The following TNKS variants were observed in gnomAD, a reference collection of about 807,000 sequenced individuals.
TNKS encodes tankyrase.
Under a neutral mutation model 135.8 loss-of-function variants are expected in TNKS, and 72 were observed. That is an observed-to-expected ratio of 0.53 (90% CI 0.44 to 0.64). The LOEUF is 0.64. Among genes scored for constraint, TNKS ranks in the 30% least tolerant of loss-of-function variants. TNKS has a pLI of 0.00. For synonymous variants in TNKS, 849 were observed against 649.3 expected, an observed-to-expected ratio of 1.31 and a Z score of -4.68; for missense variants, 1,769 against 1,674.0, an observed-to-expected ratio of 1.06 and a Z score of -0.99.
At chr8:9,615,355 AT>A (rs1799599394) in intron 2 of TNKS, 1 of 346,436 alleles carries the variant, frequency 2.9e-6, no homozygotes, top group Non-Finnish European at 5.2e-6. Context: ...TTTCATGTTT[AT>A]GATGTTAAGT....
At chr8:9,718,440 A>G (rs1804715617) in intron 11 of TNKS, among the ~76,000 whole-genome samples, 1 of 152,190 alleles carries the variant, frequency 6.6e-6, no homozygotes, top group South Asian at 2.1e-4. Flanking sequence ...GGCTGTTCAC[A>G]CTGAGTAGAA....
chr8:9,718,541 C>G (rs1804719673), intron 11 of TNKS, among the ~76,000 whole-genome samples: 1 of 152,130 alleles, frequency 6.6e-6, no homozygotes, highest in African/African-American at 2.4e-5. Context: ...ATTTCATGTC[C>G]TAAATATTTC....
intron 3 of TNKS, among the ~76,000 whole-genome samples, chr8:9,621,268 C>T (rs1035086450): frequency 6.6e-6 from 1 of 151,338 alleles, no homozygotes; most frequent in African/African-American, 2.4e-5. Context: ...GCAGCTGTCA[C>T]ATCAGACATC....
In TNKS at chr8:9,761,602, C is replaced by G. The variant is rs768586368; in HGVS notation, c.3240C>G (p.Ile1080Met). 6.3e-6 allele frequency: 10 copies of G among 1,596,680 alleles called. No individual in the cohort carries two copies. Among genetic ancestry groups the G allele is most frequent in the Middle Eastern group, 1.7e-4 (1 of 6,032 alleles). ...CATATGGGCACCGCCACAAATTAAT[C>G]AAAGGAGTAGAAAGACTCTTAGGTG... ...INAYGHRHKL[I>M]KGVERLLGGQ... Residue 1080 changes from isoleucine to methionine, a missense_variant, in exon 21 of 27, where the codon ATC (isoleucine) becomes ATG (methionine). Transcript: ENST00000310430.
intron 3 of TNKS, among the ~76,000 whole-genome samples, chr8:9,638,998 CAG>C (rs1428403719): frequency 6.6e-6 from 1 of 152,108 alleles, no homozygotes; most frequent in Non-Finnish European, 1.5e-5. Flanking sequence ...ATTGTATTAA[CAG>C]AGTTTTCCCT....
intron 1 of TNKS, among the ~76,000 whole-genome samples, chr8:9,575,851 A>G (rs1797926342): frequency 6.6e-6 from 1 of 152,238 alleles, no homozygotes; most frequent in Non-Finnish European, 1.5e-5. Flanking sequence ...GCCTAAGGAC[A>G]TTTATTTTCC....
chr8:9,770,044 C>CAGTT, intron 25 of TNKS, 62 bp from the exon 26 acceptor site: 1 of 1,437,242 alleles, frequency 7.0e-7, no homozygotes, highest in African/African-American at 1.4e-5. Context: ...ATAGATCTAG[C>CAGTT]AGTTATATTA....
chr8:9,645,125 A>G (rs1168309746), intron 3 of TNKS, among the ~76,000 whole-genome samples: 3 of 152,068 alleles, frequency 2.0e-5, no homozygotes, highest in Non-Finnish European at 4.4e-5. Flanking sequence ...TAAGTCACCT[A>G]CCCCATCTTA....
At chr8:9,755,253 C>A (rs1806774432) in intron 20 of TNKS, among the ~76,000 whole-genome samples, 1 of 152,172 alleles carries the variant, frequency 6.6e-6, no homozygotes, top group South Asian at 2.1e-4. Context: ...ATAGTTTAGT[C>A]TCCTAGTCAC....
At chr8:9,700,479 G>T (rs931110779) in intron 5 of TNKS, among the ~76,000 whole-genome samples, 13 of 152,160 alleles carry the variant, frequency 8.5e-5, no homozygotes, top group African/African-American at 3.1e-4. Flanking sequence ...AACCTCTTCT[G>T]AATTCTAGTG....
At chr8:9,707,305 C>A (rs62491550) in intron 8 of TNKS, among the ~76,000 whole-genome samples, 1 of 152,164 alleles carries the variant, frequency 6.6e-6, no homozygotes, top group Non-Finnish European at 1.5e-5. Context: ...GTGGCAGGCA[C>A]TAGAAATATA....
chr8:9,706,052 T>C (rs1022313780), intron 6 of TNKS, 135 bp from the exon 7 acceptor site: 20 of 486,108 alleles, frequency 4.1e-5, no homozygotes, highest in African/African-American at 3.7e-4. Flanking sequence ...TTTGAATTCT[T>C]TTATTATTTT....
intron 21 of TNKS, among the ~76,000 whole-genome samples, chr8:9,762,898 C>G (rs1177793783): frequency 7.5e-6 from 1 of 133,098 alleles, no homozygotes. Context: ...GAGCGAGGCT[C>G]CGTCTCAAAA....
intron 2 of TNKS, among the ~76,000 whole-genome samples, chr8:9,590,200 T>C (rs1354810364): frequency 2.0e-5 from 3 of 152,146 alleles, no homozygotes. Context: ...CTGGCTCCCG[T>C]CTACATCATG....
At chr8:9,664,091 A>C (rs1448214324) in intron 3 of TNKS, among the ~76,000 whole-genome samples, 1 of 152,130 alleles carries the variant, frequency 6.6e-6, no homozygotes, top group Non-Finnish European at 1.5e-5. Context: ...TAGTCCATTT[A>C]ATGTGTTGCT....
intron 2 of TNKS, among the ~76,000 whole-genome samples, chr8:9,602,702 A>T (rs148635388): frequency 6.6e-6 from 1 of 152,362 alleles, no homozygotes; most frequent in Non-Finnish European, 1.5e-5. Flanking sequence ...ATGTAATGCC[A>T]CACATATATG....
rs770897050 is a variant in TNKS, at chr8:9,777,050, A to G, written c.*314A>G. On this transcript the variant is annotated 3_prime_UTR_variant, in exon 27 of 27. Coordinates refer to ENST00000310430, the MANE Select transcript of TNKS (RefSeq NM_003747.3). ...TTGGAAATGGAAAATAAGAAAACCAATGCTTTTTCAAATGTTCACAATTCA... is the reference window on the plus strand; with the variant it reads ...TTGGAAATGGAAAATAAGAAAACCAGTGCTTTTTCAAATGTTCACAATTCA... The G allele has an allele frequency of 6.1e-5, 19 of 310,732 alleles. No homozygotes were observed. Among genetic ancestry groups the G allele is most frequent in the Admixed American group, 6.0e-4 (13 of 21,594 alleles). The allele number at this position is 310,732 out of a possible 1,614,324, so 19.2% of individuals were successfully genotyped here.
intron 2 of TNKS, among the ~76,000 whole-genome samples, chr8:9,602,559 A>T (rs1268981258): frequency 1.3e-5 from 2 of 152,206 alleles, no homozygotes; most frequent in Non-Finnish European, 2.9e-5. Flanking sequence ...CTGTGAGGAT[A>T]CTAGCGGAGT....
intron 12 of TNKS, among the ~76,000 whole-genome samples, chr8:9,725,513 C>G (rs1805121198): frequency 6.6e-6 from 1 of 152,166 alleles, no homozygotes; most frequent in Admixed American, 6.5e-5. Flanking sequence ...AATCTACAAC[C>G]TCTTCATAGC....
Sources: gnomAD v4.1 joint callset for allele counts (sites outside exome capture counted in the v4.1 genomes callset) on GRCh38, gnomAD v4.1.1 for gene constraint, MANE v1.5 for transcripts, NCBI Gene and HGNC (gene_info 2026-07-23, HGNC 2026-07-21) for gene names.